The following PHF21B variants were observed in gnomAD, a reference collection of about 807,000 sequenced individuals.
PHF21B encodes the protein PHD finger protein 4.
PHF21B carries 22 observed loss-of-function variants against 62.2 expected under a neutral mutation model. The ratio of observed to expected loss-of-function variants is 0.35; its 90% CI spans 0.25 to 0.51. The LOEUF (loss-of-function observed/expected upper bound fraction) is 0.51, where lower values mean the gene tolerates loss of function less well. Ranked by LOEUF, PHF21B falls within the 20% of genes least tolerant of loss-of-function variation. The pLI, the probability that PHF21B is intolerant of heterozygous loss-of-function variation, is 0.97. For synonymous variants in PHF21B, 341 were observed against 314.7 expected, an observed-to-expected ratio of 1.08 and a Z score of -0.88; for missense variants, 701 against 707.9, an observed-to-expected ratio of 0.99 and a Z score of 0.11.
At position 44,887,964 on chromosome 22, in the gene PHF21B, T is replaced by G. The variant is rs1316936480; in HGVS notation, c.1196A>C (p.Lys399Thr). 1 of 1,523,732 alleles carries G rather than the reference T, an allele frequency of 6.6e-7. No individual in the cohort carries two copies. The highest frequency in any genetic ancestry group is 1.4e-5 in the African/African-American group (1 of 72,924). The allele number at this position is 1,523,732 out of a possible 1,614,324, so 94.4% of individuals were successfully genotyped here. A position where few individuals can be genotyped will look rare whatever the true frequency, so the allele number is the denominator to read the frequency against. Residue 399 changes from lysine to threonine, a missense_variant and splice_region_variant, in exon 10 of 13, where the codon AAG (lysine) becomes ACG (threonine). Physicochemically the swap from Lys to Thr is moderately conservative, Grantham distance 78. Coordinates refer to ENST00000313237, the MANE Select transcript of PHF21B (RefSeq NM_138415.5). The stretch of plus-strand genomic sequence containing the variant: ...AGGGGGTCACACAGCCTCCTGTACC[T>G]TCTGCTGGCACCTGGGGCACACCCA... The part of the protein sequence containing the change: ...GVWVCPRCQQ[K>T]ALKKDEGVPW...
chr22:44,898,464 C>T (rs1161304876), intron 5 of PHF21B, among the ~76,000 whole-genome samples: 1 of 152,126 alleles, frequency 6.6e-6, no homozygotes, highest in African/African-American at 2.4e-5. Context: ...CGTGCCTGCC[C>T]CGTGCCCCCA....
intron 2 of PHF21B, among the ~76,000 whole-genome samples, chr22:44,964,841 C>T (rs1261775367): frequency 6.6e-6 from 1 of 152,244 alleles, no homozygotes; most frequent in East Asian, 1.9e-4. Context: ...CTGAAGCCGC[C>T]TCTCAGGCCA....
At chr22:44,928,824 G>A (rs943205030) in intron 2 of PHF21B, among the ~76,000 whole-genome samples, 1 of 152,206 alleles carries the variant, frequency 6.6e-6, no homozygotes, top group African/African-American at 2.4e-5. Flanking sequence ...GGACAAGGGT[G>A]GACCAGGCTC....
intron 8 of PHF21B, 115 bp downstream of exon 8, chr22:44,891,191 G>T: frequency 8.5e-7 from 1 of 1,176,634 alleles, no homozygotes; most frequent in Non-Finnish European, 1.2e-6. Context: ...CTCTGCCCAG[G>T]TCAGACCAGT....
chr22:44,961,605 C>T (rs1469719078), intron 2 of PHF21B, among the ~76,000 whole-genome samples: 2 of 152,046 alleles, frequency 1.3e-5, no homozygotes, highest in Admixed American at 1.3e-4. Flanking sequence ...CTTTGGGAGG[C>T]CTACGTGGGC....
chr22:44,965,629 C>T (rs1042519198), intron 2 of PHF21B, among the ~76,000 whole-genome samples: 5 of 152,216 alleles, frequency 3.3e-5, no homozygotes, highest in African/African-American at 1.2e-4. Flanking sequence ...CCCCGGCCCC[C>T]CAGGTGTTCT....
At chr22:45,007,564 A>AGAC (rs1315400302) in intron 2 of PHF21B, among the ~76,000 whole-genome samples, 1 of 15,000 alleles carries the variant, frequency 6.7e-5, no homozygotes, top group South Asian at 1.8e-3. Flanking sequence ...CGGGGCGCGA[A>AGAC]GGAGGGAGGG....
intron 7 of PHF21B, among the ~76,000 whole-genome samples, chr22:44,892,297 G>C (rs1434071719): frequency 2.0e-5 from 3 of 152,230 alleles, no homozygotes; most frequent in African/African-American, 7.2e-5. Context: ...GGCCCACGTG[G>C]AGCACGTTCT....
chr22:44,947,122 C>T (rs967907867), intron 2 of PHF21B, among the ~76,000 whole-genome samples: 5 of 152,244 alleles, frequency 3.3e-5, no homozygotes, highest in African/African-American at 1.2e-4. Context: ...GCGTGGGTGG[C>T]AGAGCCCTTC....
intron 2 of PHF21B, among the ~76,000 whole-genome samples, chr22:44,995,003 C>A (rs868586399): frequency 2.6e-5 from 4 of 152,232 alleles, no homozygotes; most frequent in Non-Finnish European, 5.9e-5. Flanking sequence ...TACTGGTACT[C>A]GCCAGCCAGG....
At chr22:44,925,528 C>G (rs564791051) in intron 2 of PHF21B, among the ~76,000 whole-genome samples, 2 of 152,286 alleles carry the variant, frequency 1.3e-5, no homozygotes, top group South Asian at 4.1e-4. Context: ...CTGCCTGTCT[C>G]TCTGCATGGA....
chr22:44,995,782 AC>A (rs1016350979), intron 2 of PHF21B, among the ~76,000 whole-genome samples: 18 of 135,702 alleles, frequency 1.3e-4, no homozygotes, highest in Non-Finnish European at 2.7e-4. Flanking sequence ...TTACTAGATG[AC>A]CCCCCCGCCC....
At chr22:44,942,900 G>A (rs919822849) in intron 2 of PHF21B, among the ~76,000 whole-genome samples, 1 of 152,106 alleles carries the variant, frequency 6.6e-6, no homozygotes, top group Non-Finnish European at 1.5e-5. Flanking sequence ...CTGGGGGCCA[G>A]GGTGAAGCGT....
chr22:44,885,697 A>G (rs547527278), intron 11 of PHF21B, among the ~76,000 whole-genome samples, 166 bp downstream of exon 11: 4 of 152,308 alleles, frequency 2.6e-5, no homozygotes, highest in African/African-American at 9.6e-5. Flanking sequence ...TCCCCTGGCC[A>G]CACCTGCCCC....
chr22:44,924,758 G>A lies in PHF21B; in HGVS notation c.121-4268C>T, dbSNP rs144423119. Among the ~76,000 whole-genome samples, 4 of 152,286 alleles carry A rather than the reference G, an allele frequency of 2.6e-5. No individual in the cohort carries two copies. The East Asian group carries it at 7.7e-4, about 29-fold the overall frequency. On this transcript the variant is annotated intron_variant, in intron 2 of 12. Coordinates refer to ENST00000313237, the MANE Select transcript of PHF21B (RefSeq NM_138415.5). ...CATGGTATTTTTGTTATGGCAGCCT[G>A]GGCAGACTAGGACATTTATGATACG...
chr22:44,965,448 C>A (rs560245577), intron 2 of PHF21B, among the ~76,000 whole-genome samples: 1 of 151,972 alleles, frequency 6.6e-6, no homozygotes, highest in East Asian at 1.9e-4. Flanking sequence ...CCCTCCCTAC[C>A]CCATAGGTTC....
chr22:44,944,875 C>T (rs1346685325), intron 2 of PHF21B, among the ~76,000 whole-genome samples: 2 of 152,254 alleles, frequency 1.3e-5, no homozygotes, highest in Non-Finnish European at 2.9e-5. Context: ...AGGAAAGCAT[C>T]CGACTGCACA....
At chr22:44,885,959 T>C in intron 10 of PHF21B, 21 bp from the exon 11 acceptor site, 11 of 1,611,834 alleles carry the variant, frequency 6.8e-6, no homozygotes, top group Non-Finnish European at 8.5e-6. Context: ...GACGGGGAGA[T>C]GAAAAAGTGG....
chr22:44,959,649 AG>A (rs1440129291), intron 2 of PHF21B, among the ~76,000 whole-genome samples: 1 of 152,204 alleles, frequency 6.6e-6, no homozygotes, highest in Non-Finnish European at 1.5e-5. Flanking sequence ...GGTGCTGCAG[AG>A]GATGTCTGAG....
Sources: gnomAD v4.1 joint callset for allele counts (sites outside exome capture counted in the v4.1 genomes callset) on GRCh38, gnomAD v4.1.1 for gene constraint, MANE v1.5 for transcripts, NCBI Gene and HGNC (gene_info 2026-07-23, HGNC 2026-07-21) for gene names.